The following TRAPPC8 variants were observed in gnomAD, a reference collection of about 807,000 sequenced individuals.
TRAPPC8 encodes the protein general sporulation gene 1 homolog.
A neutral mutation model predicts 174.3 loss-of-function variants in TRAPPC8; 54 were observed. The observed-to-expected ratio is 0.31, with a 90% CI of 0.25 to 0.39. The LOEUF (loss-of-function observed/expected upper bound fraction) is 0.39, where lower values mean the gene tolerates loss of function less well. Ranked by LOEUF, TRAPPC8 falls within the 10% of genes least tolerant of loss-of-function variation. The pLI is 1.00. For missense variants in TRAPPC8, 1,531 were observed against 1,699.1 expected (o/e 0.90, Z 1.74); for synonymous variants, 630 against 579.9 (o/e 1.09, Z -1.24).
intron 21 of TRAPPC8, 102 bp downstream of exon 21, chr18:31,855,558 T>C: frequency 1.0e-5 from 10 of 959,138 alleles, no homozygotes; most frequent in Non-Finnish European, 1.4e-5. Flanking sequence ...CTAAAATCCC[T>C]AGCTTATGCT....
chr18:31,852,535 A>G, intron 23 of TRAPPC8, 31 bp from the exon 24 acceptor site: 1 of 1,613,964 alleles, frequency 6.2e-7, no homozygotes, highest in Non-Finnish European at 8.5e-7. Context: ...AACTAATCAT[A>G]TCATTGGCAT....
intron 12 of TRAPPC8, among the ~76,000 whole-genome samples, chr18:31,889,078 T>C (rs2145344759): frequency 6.6e-6 from 1 of 152,312 alleles, no homozygotes; most frequent in South Asian, 2.1e-4. Context: ...AGATCTTAAT[T>C]TATAGTCATA....
At chr18:31,938,154 C>T (rs535210103) in intron 1 of TRAPPC8, among the ~76,000 whole-genome samples, 56 of 152,118 alleles carry the variant, frequency 3.7e-4, no homozygotes, top group African/African-American at 1.2e-3. Flanking sequence ...AAAGAACTAT[C>T]ACTAAGCAAA....
intron 2 of TRAPPC8, among the ~76,000 whole-genome samples, chr18:31,925,040 G>T (rs1461860378): frequency 6.6e-6 from 1 of 151,842 alleles, no homozygotes; most frequent in Non-Finnish European, 1.5e-5. Context: ...AAAACTATAA[G>T]TAATAAAAAT....
chr18:31,866,245 G>C (rs1222393544), intron 18 of TRAPPC8, among the ~76,000 whole-genome samples: 2 of 152,072 alleles, frequency 1.3e-5, no homozygotes, highest in Non-Finnish European at 2.9e-5. Context: ...ACTACACACA[G>C]TAATTACATG....
At chr18:31,896,078 CAATAT>C (rs1218719423) in intron 11 of TRAPPC8, 2 of 152,048 alleles carry the variant, frequency 1.3e-5, no homozygotes, top group African/African-American at 2.4e-5. Flanking sequence ...ACATAATTTC[CAATAT>C]AATATAATAT....
At chr18:31,880,135 A>AAGG (rs2035376478) in intron 12 of TRAPPC8, among the ~76,000 whole-genome samples, 2 of 121,454 alleles carry the variant, frequency 1.6e-5, no homozygotes, top group Non-Finnish European at 1.7e-5. Context: ...TTTTTTTTTT[A>AAGG]AGGAAGAAAG....
At chr18:31,928,928 C>G (rs912753700) in intron 2 of TRAPPC8, among the ~76,000 whole-genome samples, 2 of 152,132 alleles carry the variant, frequency 1.3e-5, no homozygotes, top group Non-Finnish European at 2.9e-5. Context: ...CGCCTGTAAT[C>G]CCAGCACTTT....
At chr18:31,862,722 A>T (rs1441459484) in intron 19 of TRAPPC8, among the ~76,000 whole-genome samples, 5 of 152,098 alleles carry the variant, frequency 3.3e-5, no homozygotes, top group Non-Finnish European at 7.4e-5. Flanking sequence ...TGTTACCTAT[A>T]TCACCACTAC....
chr18:31,851,515 T>C (rs1049633197), intron 24 of TRAPPC8, among the ~76,000 whole-genome samples: 3 of 114,514 alleles, frequency 2.6e-5, no homozygotes, highest in Non-Finnish European at 6.5e-5. Context: ...AGGAGGCTCT[T>C]TTTTTTTTTT....
At chr18:31,835,857 T>A (rs2032682640) in intron 27 of TRAPPC8, among the ~76,000 whole-genome samples, 1 of 152,232 alleles carries the variant, frequency 6.6e-6, no homozygotes. Flanking sequence ...TGGCTCACTT[T>A]TTATACTCCG....
At chr18:31,868,896 TCTCA>T (rs2034711760) in intron 16 of TRAPPC8, among the ~76,000 whole-genome samples, 1 of 151,878 alleles carries the variant, frequency 6.6e-6, no homozygotes, top group African/African-American at 2.4e-5. Context: ...GAGATGGGGG[TCTCA>T]CTATGTTGCC....
intron 5 of TRAPPC8, 120 bp from the exon 6 acceptor site, chr18:31,909,880 T>G (rs1374406932): frequency 1.6e-6 from 1 of 610,608 alleles, no homozygotes. Context: ...TTTGCTACAG[T>G]GAGCATTTTC....
chr18:31,942,987 G>C lies in TRAPPC8; in HGVS notation c.-223C>G. ...CCGTCACCGCCGCTTCTCAGCGCTC[G>C]TCCCCGCGTGCTCGCATTCCACCCC... is the stretch of plus-strand genomic sequence containing the variant. On this transcript the variant is annotated 5_prime_UTR_variant, in exon 1 of 29. Transcript: ENST00000283351. The C allele has an allele frequency of 1.1e-6, 1 of 937,242 alleles. No individual in the cohort carries two copies. Among genetic ancestry groups the C allele is most frequent in the Non-Finnish European group, 1.4e-6 (1 of 717,046 alleles). 58.1% of individuals were successfully genotyped at this position (937,242 alleles called of 1,614,324 possible). A position where few individuals can be genotyped will look rare whatever the true frequency, so the allele number is the denominator to read the frequency against.
At chr18:31,921,038 C>A (rs1012903520) in intron 2 of TRAPPC8, among the ~76,000 whole-genome samples, 3 of 151,330 alleles carry the variant, frequency 2.0e-5, no homozygotes, top group Admixed American at 2.0e-4. Flanking sequence ...TAAATTATGG[C>A]CTAACCATTA....
Position 31,942,969 on chromosome 18 carries a change from C to T in TRAPPC8, c.-205G>A. On this transcript the variant is annotated 5_prime_UTR_variant, in exon 1 of 29. Coordinates refer to ENST00000283351, the MANE Select transcript of TRAPPC8 (RefSeq NM_014939.5). ...CCACTGACCCCCCCCTTCCCGTCACCGCCGCTTCTCAGCGCTCGTCCCCGC... is the reference window on the plus strand; with the variant it reads ...CCACTGACCCCCCCCTTCCCGTCACTGCCGCTTCTCAGCGCTCGTCCCCGC... 1 of 1,080,044 alleles carries T rather than the reference C, an allele frequency of 9.3e-7. No homozygotes were observed. The highest frequency in any genetic ancestry group is 1.2e-6 in the Non-Finnish European group (1 of 847,580). The allele number at this position is 1,080,044 out of a possible 1,614,324, so 66.9% of individuals were successfully genotyped here.
At chr18:31,886,180 C>T (rs578024772) in intron 12 of TRAPPC8, among the ~76,000 whole-genome samples, 51 of 151,028 alleles carry the variant, frequency 3.4e-4, no homozygotes, top group Admixed American at 3.1e-3. Flanking sequence ...TAATTTTTTT[C>T]GTATTTTTAG....
At chr18:31,940,419 C>T (rs756750406) in intron 1 of TRAPPC8, among the ~76,000 whole-genome samples, 4 of 152,094 alleles carry the variant, frequency 2.6e-5, no homozygotes, top group Non-Finnish European at 5.9e-5. Flanking sequence ...GAGCCAAGAT[C>T]GCGCCACTGC....
chr18:31,867,614 T>C, intron 16 of TRAPPC8, 138 bp from the exon 17 acceptor site: 2 of 629,118 alleles, frequency 3.2e-6, no homozygotes. Context: ...TGCTGAGCTC[T>C]ACACAAAGTG....
Sources: gnomAD v4.1 joint callset for allele counts (sites outside exome capture counted in the v4.1 genomes callset) on GRCh38, gnomAD v4.1.1 for gene constraint, MANE v1.5 for transcripts, NCBI Gene and HGNC (gene_info 2026-07-23, HGNC 2026-07-21) for gene names.